The following NHSL2 variants were observed in gnomAD, a reference collection of about 807,000 sequenced individuals.
NHSL2 encodes the protein NHS like 2, also known as NHS-like protein 2.
A neutral mutation model predicts 53.4 loss-of-function variants in NHSL2; 27 were observed. The observed-to-expected ratio is 0.51, with a 90% CI of 0.37 to 0.70. NHSL2 has a LOEUF of 0.70. Among genes scored for constraint, NHSL2 ranks in the 30% least tolerant of loss-of-function variants. The pLI is 0.00. For missense variants in NHSL2, 892 were observed against 980.1 expected (o/e 0.91, Z 1.20); for synonymous variants, 408 against 404.1 (o/e 1.01, Z -0.12).
rs1277146755 is a variant in NHSL2, at chrX:72,144,940, G to A, written c.*1366G>A. ...TCTTGTCAGCTCAATTTTCTAAGCA[G>A]AGCAAGAGCAGTGATTCATTTGATT... On this transcript the variant is annotated 3_prime_UTR_variant, in exon 8 of 8. Transcript: ENST00000633930. 8.8e-6 allele frequency: 1 copy of A among 113,822 alleles called. No individual in the cohort carries two copies. Among genetic ancestry groups the A allele is most frequent in the Non-Finnish European group, 1.8e-5 (1 of 54,916 alleles). 9.4% of individuals were successfully genotyped at this position (113,822 alleles called of 1,213,427 possible). A position where few individuals can be genotyped will look rare whatever the true frequency, so the allele number is the denominator to read the frequency against.
At chrX:72,123,578 C>G (rs2042198067) in intron 1 of NHSL2, among the ~76,000 whole-genome samples, 1 of 111,775 alleles carries the variant, frequency 8.9e-6, no homozygotes, top group Non-Finnish European at 1.9e-5. Context: ...TTCTGGCAAG[C>G]CTCACAGCCA....
intron 1 of NHSL2, among the ~76,000 whole-genome samples, chrX:71,943,009 T>TGTGTGTG (rs2041775778): frequency 9.6e-6 from 1 of 104,309 alleles, no homozygotes; most frequent in African/African-American, 3.4e-5. Context: ...TGTGTGTGTC[T>TGTGTGTG]TTCCCAGCCT....
intron 1 of NHSL2, among the ~76,000 whole-genome samples, chrX:72,048,984 G>GAAGAAGA (rs2042321430): frequency 4.5e-5 from 1 of 22,252 alleles, no homozygotes; most frequent in African/African-American, 2.2e-4. Context: ...GGAGAAGAAG[G>GAAGAAGA]AGGAGAAGAA....
At chrX:72,085,608 A>G (rs544978814) in intron 1 of NHSL2, among the ~76,000 whole-genome samples, 3 of 111,949 alleles carry the variant, frequency 2.7e-5, no homozygotes, top group South Asian at 3.7e-4. Flanking sequence ...CCTTATTCAA[A>G]AAAGCAAAAC....
chrX:72,063,665 C>A (rs2042411809), intron 1 of NHSL2, among the ~76,000 whole-genome samples: 1 of 111,497 alleles, frequency 9.0e-6, no homozygotes, highest in Non-Finnish European at 1.9e-5. Flanking sequence ...ACTTTTCATG[C>A]ACTCAATTTT....
At chrX:71,981,412 G>A (rs1440580625) in intron 1 of NHSL2, among the ~76,000 whole-genome samples, 1 of 109,720 alleles carries the variant, frequency 9.1e-6, no homozygotes, top group East Asian at 2.8e-4. Flanking sequence ...TGAGTGTGTT[G>A]GCACACACCT....
At chrX:72,055,395 A>T (rs912844829) in intron 1 of NHSL2, among the ~76,000 whole-genome samples, 4 of 112,289 alleles carry the variant, frequency 3.6e-5, no homozygotes, top group Non-Finnish European at 7.5e-5. Flanking sequence ...CCAGAAATCG[A>T]TTGACCTCCA....
intron 1 of NHSL2, among the ~76,000 whole-genome samples, chrX:71,946,966 G>C (rs143515216): frequency 0.012 from 1,338 of 112,176 alleles, 16 homozygotes; most frequent in African/African-American, 0.041. Context: ...CACAGGGCCT[G>C]GTTCACCATT....
In NHSL2 at chrX:72,142,302, GGATGAT is replaced by G. The variant is rs1158960792; in HGVS notation, c.3300_3305del (p.Asp1101_Asp1102del). On this transcript the variant is annotated inframe_deletion, in exon 7 of 8. Transcript: ENST00000633930. The stretch of plus-strand genomic sequence containing the variant: ...ATAAAACAGCTGAATGGATTGCAGA[GGATGAT>G]GATGACGTGTTTGTGGCTTCACGCA... 6.0e-6 allele frequency: 7 copies of G among 1,157,951 alleles called. No homozygotes were observed. The East Asian group carries it at 2.3e-4, about 38-fold the overall frequency.
In NHSL2 at chrX:71,911,040, C is replaced by A; in HGVS notation, c.-48C>A. On this transcript the variant is annotated 5_prime_UTR_variant, in exon 1 of 8. Coordinates refer to ENST00000633930, the MANE Select transcript of NHSL2 (RefSeq NM_001013627.3). Reference sequence around the variant, plus strand: ...GGCCAGGGGCGCTGCTCGGGGTGAGCCCGCCGCGCCGCCAGACTGGTCCCC... The same window carrying A: ...GGCCAGGGGCGCTGCTCGGGGTGAGACCGCCGCGCCGCCAGACTGGTCCCC... The A allele has an allele frequency of 3.1e-6, 3 of 956,260 alleles. No homozygotes were observed. Among genetic ancestry groups the A allele is most frequent in the Non-Finnish European group, 3.9e-6 (3 of 763,336 alleles). 78.8% of individuals were successfully genotyped at this position (956,260 alleles called of 1,213,427 possible).
intron 1 of NHSL2, among the ~76,000 whole-genome samples, chrX:72,124,876 TCTTC>T (rs747463052): frequency 2.8e-4 from 31 of 111,296 alleles, no homozygotes; most frequent in East Asian, 5.7e-4. Flanking sequence ...CCTTCTACTG[TCTTC>T]CTTCCTTCCT....
chrX:72,115,441 G>GT (rs60016175), intron 1 of NHSL2, among the ~76,000 whole-genome samples: 3 of 71,276 alleles, frequency 4.2e-5, no homozygotes, highest in African/African-American at 1.7e-4. Flanking sequence ...CGGGGGGGGG[G>GT]TGCGGGGGGC....
At chrX:72,123,138 C>T (rs1371201060) in intron 1 of NHSL2, among the ~76,000 whole-genome samples, 2 of 111,554 alleles carry the variant, frequency 1.8e-5, no homozygotes, top group Non-Finnish European at 3.8e-5. Context: ...TGGAGTGAGG[C>T]CAGGAATGTT....
At chrX:72,039,241 C>A (rs901925611) in intron 1 of NHSL2, among the ~76,000 whole-genome samples, 2 of 110,188 alleles carry the variant, frequency 1.8e-5, no homozygotes, top group Non-Finnish European at 3.8e-5. Context: ...GTAGTCTCAA[C>A]CTGAATTTGC....
intron 1 of NHSL2, among the ~76,000 whole-genome samples, chrX:72,029,578 A>T (rs1174687686): frequency 3.6e-5 from 4 of 112,619 alleles, no homozygotes; most frequent in African/African-American, 1.3e-4. Context: ...TCAGGAAGGG[A>T]TACCTCCAAG....
At chrX:72,129,864 G>GC in intron 1 of NHSL2, 1 of 1,202,562 alleles carries the variant, frequency 8.3e-7, no homozygotes, top group Non-Finnish European at 1.1e-6. Context: ...CAGCTCGGTG[G>GC]CCCCCCTGTC....
chrX:72,137,684 T>G (rs1264758127), intron 5 of NHSL2, among the ~76,000 whole-genome samples: 1 of 111,268 alleles, frequency 9.0e-6, no homozygotes, highest in Non-Finnish European at 1.9e-5. Context: ...CCTCAGCTTC[T>G]TCATCTATAA....
intron 1 of NHSL2, among the ~76,000 whole-genome samples, chrX:72,056,552 G>GCACACACA (rs60731699): frequency 5.7e-5 from 6 of 104,525 alleles, no homozygotes; most frequent in African/African-American, 2.1e-4. Context: ...TAACGTCTGC[G>GCACACACA]CACACACACA....
chrX:72,122,598 G>A (rs753988202), intron 1 of NHSL2, among the ~76,000 whole-genome samples: 6 of 112,305 alleles, frequency 5.3e-5, no homozygotes, highest in Non-Finnish European at 9.4e-5. Context: ...CACAGCAAGG[G>A]AGTGGCAGAG....
Sources: gnomAD v4.1 joint callset for allele counts (sites outside exome capture counted in the v4.1 genomes callset) on GRCh38, gnomAD v4.1.1 for gene constraint, MANE v1.5 for transcripts, NCBI Gene and HGNC (gene_info 2026-07-23, HGNC 2026-07-21) for gene names.